Variants in LNX2 observed in about 807,000 individuals in gnomAD.
The protein encoded by LNX2 is ligand of numb-protein X 2.
LNX2 carries 35 observed loss-of-function variants against 66.2 expected under a neutral mutation model. The observed-to-expected ratio is 0.53, with a 90% CI of 0.40 to 0.70. The LOEUF (loss-of-function observed/expected upper bound fraction) is 0.70. Ranked by LOEUF, LNX2 falls within the 30% of genes least tolerant of loss-of-function variation. The probability of loss-of-function intolerance (pLI) is 0.00; values close to 1 mark genes in which losing one functional copy is unlikely to be tolerated. For synonymous variants in LNX2, 337 were observed against 315.6 expected, an observed-to-expected ratio of 1.07 and a Z score of -0.72; for missense variants, 791 against 850.8, an observed-to-expected ratio of 0.93 and a Z score of 0.87.
intron 6 of LNX2, 73 bp downstream of exon 6, chr13:27,559,769 C>T (rs1955106552): frequency 7.2e-7 from 1 of 1,384,476 alleles, no homozygotes; most frequent in Non-Finnish European, 9.5e-7. Flanking sequence ...CACAAAAAAA[C>T]CTTCATTTAA....
At chr13:27,600,915 A>G (rs1467500545) in intron 1 of LNX2, among the ~76,000 whole-genome samples, 3 of 152,220 alleles carry the variant, frequency 2.0e-5, no homozygotes, top group African/African-American at 7.2e-5. Flanking sequence ...CAACTTCCCC[A>G]GAATCACAAA....
intron 1 of LNX2, among the ~76,000 whole-genome samples, chr13:27,616,207 G>A (rs562175824): frequency 6.6e-6 from 1 of 151,784 alleles, no homozygotes; most frequent in East Asian, 1.9e-4. Flanking sequence ...AGCAGGGAGT[G>A]CCATTCCAAG....
intron 6 of LNX2, among the ~76,000 whole-genome samples, chr13:27,559,355 T>C (rs1050102393): frequency 6.9e-5 from 10 of 144,982 alleles, no homozygotes; most frequent in Non-Finnish European, 3.2e-5. Flanking sequence ...TACGTAAATA[T>C]GCTATATATG....
intron 1 of LNX2, among the ~76,000 whole-genome samples, chr13:27,583,597 G>A (rs1006547996): frequency 6.6e-6 from 1 of 152,050 alleles, no homozygotes; most frequent in Admixed American, 6.5e-5. Context: ...AGGGTAGCGC[G>A]AGCCTAGCCA....
At chr13:27,584,673 G>A (rs925537006) in intron 1 of LNX2, among the ~76,000 whole-genome samples, 7 of 151,892 alleles carry the variant, frequency 4.6e-5, no homozygotes, top group African/African-American at 9.7e-5. Context: ...GCAACAAAGC[G>A]AGACCCTGTC....
At chr13:27,567,563 C>T in intron 4 of LNX2, 77 bp downstream of exon 4, 1 of 1,245,124 alleles carries the variant, frequency 8.0e-7, no homozygotes, top group Non-Finnish European at 1.2e-6. Context: ...GGTTCCAAAA[C>T]AGCACAATTT....
At chr13:27,584,748 A>G (rs928384571) in intron 1 of LNX2, among the ~76,000 whole-genome samples, 26 of 152,282 alleles carry the variant, frequency 1.7e-4, no homozygotes, top group African/African-American at 5.1e-4. Flanking sequence ...AACTGTCATA[A>G]ATTAGGAGGT....
At chr13:27,617,468 C>T (rs1346828761) in intron 1 of LNX2, among the ~76,000 whole-genome samples, 6 of 152,024 alleles carry the variant, frequency 3.9e-5, no homozygotes, top group Admixed American at 2.0e-4. Flanking sequence ...TTAAAGATAT[C>T]GGGTGGCAAT....
intron 2 of LNX2, among the ~76,000 whole-genome samples, chr13:27,569,928 C>T (rs7985768): frequency 0.57 from 86,486 of 152,026 alleles, 25,071 homozygotes; most frequent in African/African-American, 0.67. Flanking sequence ...TCCAAGTACT[C>T]GGAAACTTAC....
intron 4 of LNX2, among the ~76,000 whole-genome samples, chr13:27,566,289 T>C (rs1955205002): frequency 1.3e-5 from 2 of 152,154 alleles, no homozygotes; most frequent in Non-Finnish European, 2.9e-5. Context: ...CAGGCTGCAA[T>C]GTGGGAATAA....
intron 6 of LNX2, among the ~76,000 whole-genome samples, chr13:27,557,578 A>C (rs1324250008): frequency 1.3e-5 from 2 of 152,022 alleles, no homozygotes; most frequent in African/African-American, 4.8e-5. Context: ...ATAATATAAA[A>C]AATACAAATT....
intron 1 of LNX2, among the ~76,000 whole-genome samples, chr13:27,598,016 A>C (rs1007504858): frequency 1.3e-5 from 2 of 152,166 alleles, no homozygotes; most frequent in Non-Finnish European, 2.9e-5. Context: ...GAGAAATAAA[A>C]TGTCTTTCAA....
chr13:27,598,498 A>G (rs1328012747), intron 1 of LNX2, among the ~76,000 whole-genome samples: 4 of 152,204 alleles, frequency 2.6e-5, no homozygotes, highest in Admixed American at 1.3e-4. Context: ...AGAGGGAATG[A>G]TAATAGCTAA....
At chr13:27,581,885 G>C in intron 1 of LNX2, 82 bp from the exon 2 acceptor site, 1 of 396,298 alleles carries the variant, frequency 2.5e-6, no homozygotes, top group Non-Finnish European at 4.3e-6. Context: ...AATATTACTG[G>C]TTAGCTTTTT....
intron 4 of LNX2, among the ~76,000 whole-genome samples, chr13:27,564,747 T>C (rs777570766): frequency 6.6e-6 from 1 of 152,340 alleles, no homozygotes; most frequent in East Asian, 1.9e-4. Context: ...AAATCAACCA[T>C]CTTACTGCCT....
At chr13:27,593,158 A>G (rs1048249531) in intron 1 of LNX2, among the ~76,000 whole-genome samples, 3 of 152,078 alleles carry the variant, frequency 2.0e-5, no homozygotes, top group South Asian at 2.1e-4. Flanking sequence ...TTCTTTTGCC[A>G]TATCTCTCCC....
chr13:27,558,987 T>C (rs1566116427), intron 6 of LNX2, among the ~76,000 whole-genome samples: 1 of 152,148 alleles, frequency 6.6e-6, no homozygotes, highest in Non-Finnish European at 1.5e-5. Context: ...CAATTTAATT[T>C]TACTTAAGGA....
intron 5 of LNX2, 100 bp downstream of exon 5, chr13:27,562,313 A>G: frequency 7.1e-7 from 1 of 1,405,120 alleles, no homozygotes. Flanking sequence ...AATGAAATAT[A>G]AAATGTCCCC....
intron 2 of LNX2, among the ~76,000 whole-genome samples, chr13:27,573,566 A>G (rs1212399842): frequency 2.6e-5 from 4 of 152,216 alleles, no homozygotes; most frequent in South Asian, 4.1e-4. Context: ...AGGTTCAGCT[A>G]TGTTCAGGGC....
Sources: gnomAD v4.1 joint callset for allele counts (sites outside exome capture counted in the v4.1 genomes callset) on GRCh38, gnomAD v4.1.1 for gene constraint, MANE v1.5 for transcripts, NCBI Gene and HGNC (gene_info 2026-07-23, HGNC 2026-07-21) for gene names.